COL9A3: variants seen among roughly 807,000 people sequenced by gnomAD.
The protein encoded by COL9A3 is collagen type IX alpha 3 chain.
COL9A3 carries 82 observed loss-of-function variants against 110.2 expected under a neutral mutation model. That is an observed-to-expected ratio of 0.74 (90% CI 0.62 to 0.89). COL9A3 has a LOEUF of 0.89. Ranked by LOEUF, COL9A3 falls within the 40% of genes least tolerant of loss-of-function variation. The pLI is 0.00. For missense variants in COL9A3, 1,066 were observed against 981.3 expected (o/e 1.09, Z -1.15); for synonymous variants, 494 against 403.8 (o/e 1.22, Z -2.68).
At position 62,840,767 on chromosome 20, in the gene COL9A3, C is replaced by T. The variant is rs748965304; in HGVS notation, c.*35C>T. ...TGAGGAAGCAAGTGACAAGGACGCC[C>T]GAAGCACAGTGGACGGTCATGAAGG... On this transcript the variant is annotated 3_prime_UTR_variant, in exon 32 of 32. Coordinates refer to ENST00000649368, the MANE Select transcript of COL9A3 (RefSeq NM_001853.4). 6.4e-5 allele frequency: 99 copies of T among 1,550,530 alleles called. No individual in the cohort carries two copies. Among genetic ancestry groups the T allele is most frequent in the Non-Finnish European group, 6.5e-5 (74 of 1,146,036 alleles).
intron 16 of COL9A3, 24 bp downstream of exon 16, chr20:62,827,318 C>T (rs2063562332): frequency 1.9e-6 from 3 of 1,612,028 alleles, no homozygotes; most frequent in Admixed American, 1.7e-5. Context: ...AAGTTGGTTC[C>T]CTGGGTCCTT....
Position 62,840,983 on chromosome 20 carries a change from TAA to T in COL9A3, c.*254_*255del, listed in dbSNP as rs1302192671. Reference sequence around the variant, plus strand: ...TGAGAGAAGGTAGGGTGTGTATATATAAAAGGTTGTGTACAACTCCACGAGGT... The same window carrying T: ...TGAGAGAAGGTAGGGTGTGTATATATAAGGTTGTGTACAACTCCACGAGGT... On this transcript the variant is annotated 3_prime_UTR_variant, in exon 32 of 32. Transcript: ENST00000649368. The T allele has an allele frequency of 1.9e-6, 1 of 522,528 alleles. No individual in the cohort carries two copies. Among genetic ancestry groups the T allele is most frequent in the Non-Finnish European group, 3.5e-6 (1 of 287,414 alleles). 32.4% of individuals were successfully genotyped at this position (522,528 alleles called of 1,614,324 possible).
Position 62,839,012 on chromosome 20 carries a change from G to A in COL9A3, c.1864+251G>A, listed in dbSNP as rs191486615. Reference sequence around the variant, plus strand: ...GGCTGAGGCAGACGGATAACCTGAGGTCAGCAGTTTGAGACCAGCCTGGCC... The same window carrying A: ...GGCTGAGGCAGACGGATAACCTGAGATCAGCAGTTTGAGACCAGCCTGGCC... On this transcript the variant is annotated intron_variant, in intron 31 of 31. Transcript: ENST00000649368. Among the ~76,000 whole-genome samples, 365 of 152,232 alleles carry A rather than the reference G, an allele frequency of 2.4e-3. 2 individuals carry two copies. Among genetic ancestry groups the A allele is most frequent in the African/African-American group, 8.3e-3 (346 of 41,526 alleles).
chr20:62,821,731 C>G (rs1398428496), intron 7 of COL9A3, 26 bp from the exon 8 acceptor site: 1 of 1,605,600 alleles, frequency 6.2e-7, no homozygotes, highest in Non-Finnish European at 8.5e-7. Flanking sequence ...GTGCAGACCT[C>G]CCCACCTCTC....
At position 62,824,911 on chromosome 20, in the gene COL9A3, C is replaced by G. The variant is rs1206613680; in HGVS notation, c.577-57C>G. On this transcript the variant is annotated intron_variant, in intron 11 of 31. Transcript: ENST00000649368. ...CCCTGCAGGCCTCACTTCAGTGTTG[C>G]CAGGGAGGGGGTGTCGGGGGGTCTG... 3.2e-6 allele frequency: 5 copies of G among 1,541,400 alleles called. No individual in the cohort carries two copies. The African/African-American group carries it at 6.8e-5, about 21-fold the overall frequency.
chr20:62,837,130 G>T lies in COL9A3; in HGVS notation c.1651G>T (p.Gly551Trp). 6.2e-7 allele frequency: 1 copy of T among 1,613,416 alleles called. No homozygotes were observed. ...AAHLRKPLAPGSIGRPGPAGP... is the reference protein window; with the variant it reads ...AAHLRKPLAPWSIGRPGPAGP... ...GCACCTAAGGAAGCCTTTGGCACCC[G>T]GGTCCATTGGTCGGCCCGGTCCAGC... The change falls in exon 30 of 32, where the codon GGG (glycine) becomes TGG (tryptophan). Residue 551 changes from glycine (G) to tryptophan (W), a missense_variant. Transcript: ENST00000649368.
chr20:62,837,388 C>A lies in COL9A3; in HGVS notation c.1786+123C>A, dbSNP rs1372464008. On this transcript the variant is annotated intron_variant, in intron 30 of 31. Coordinates refer to ENST00000649368, the MANE Select transcript of COL9A3 (RefSeq NM_001853.4). ...AGGGGTAACCCCTGGAACGTGGGGG[C>A]CTCTCATGTTTTGGGGCCTAGCGCA... The A allele has an allele frequency of 5.7e-6, 6 of 1,053,146 alleles. No individual in the cohort carries two copies. In the African/African-American group the frequency reaches 9.5e-5, roughly 17 times the overall value. 65.2% of individuals were successfully genotyped at this position (1,053,146 alleles called of 1,614,324 possible).
chr20:62,825,416 A>C (rs2063544670), intron 12 of COL9A3: 2 of 346,240 alleles, frequency 5.8e-6, no homozygotes, highest in Non-Finnish European at 1.1e-5. Flanking sequence ...GCCTCCCCTC[A>C]CCTGTGGTCG....
chr20:62,819,286 G>C lies in COL9A3; in HGVS notation c.248G>C (p.Gly83Ala). 6.2e-7 allele frequency: 1 copy of C among 1,610,454 alleles called. No individual in the cohort carries two copies. The highest frequency in any genetic ancestry group is 8.5e-7 in the Non-Finnish European group (1 of 1,179,402). Residue 83 changes from glycine to alanine, a missense_variant, in exon 4 of 32, where the codon GGT (glycine) becomes GCT (alanine). By Grantham distance (60) the Gly-to-Ala change is moderately conservative. Transcript: ENST00000649368. Reference protein sequence around the residue: ...PGEAGLPGLPGVDGLTGRDGP... With the variant: ...PGEAGLPGLPAVDGLTGRDGP... ...GAGGCTGGGCTGCCGGGACTGCCGG[G>C]TGTGGATGTGAGTGCGCCTGCCCCT... is the stretch of plus-strand genomic sequence containing the variant.
At chr20:62,825,426 G>A (rs945414095) in intron 12 of COL9A3, 4 of 350,598 alleles carry the variant, frequency 1.1e-5, no homozygotes, top group Non-Finnish European at 2.1e-5. Flanking sequence ...ACCTGTGGTC[G>A]CTGTCCGTGG....
chr20:62,828,737 C>A, intron 17 of COL9A3, 27 bp from the exon 18 acceptor site: 1 of 1,612,010 alleles, frequency 6.2e-7, no homozygotes, highest in Non-Finnish European at 8.5e-7. Context: ...CACTGCCCGA[C>A]GGGCCTTACT....
rs147134081 is a variant in COL9A3 at position 62,826,807 on chromosome 20, C to T, written c.779C>T (p.Ala260Val). The change falls in exon 15 of 32, where the codon GCG becomes GTG. Residue 260 changes from alanine to valine, a missense_variant. By Grantham distance (64) the Ala-to-Val change is moderately conservative. Coordinates refer to ENST00000649368, the MANE Select transcript of COL9A3 (RefSeq NM_001853.4). ...GFRGPPGIPG[A>V]PGKAGDRGER... ...CGAGGGCCGCCTGGGATCCCAGGAG[C>T]GCCTGGGAAAGCGGTACGTGTGTCA... The T allele has an allele frequency of 6.3e-5, 101 of 1,612,796 alleles. 1 individual carries two copies. In the African/African-American group the frequency reaches 9.5e-4, roughly 15 times the overall value.
chr20:62,831,209 C>G (rs1228677760), intron 24 of COL9A3: 1 of 152,312 alleles, frequency 6.6e-6, no homozygotes, highest in African/African-American at 2.4e-5. Context: ...AGACTTTTTC[C>G]TGCTGGTCTT....
chr20:62,837,962 C>T (rs185903562), intron 30 of COL9A3, among the ~76,000 whole-genome samples: 19 of 152,286 alleles, frequency 1.2e-4, no homozygotes, highest in Non-Finnish European at 1.3e-4. Context: ...ACTAAAAATA[C>T]AAAATTAGCC....
intron 17 of COL9A3, 105 bp downstream of exon 17, chr20:62,828,081 G>A: frequency 8.3e-7 from 1 of 1,203,178 alleles, no homozygotes; most frequent in Middle Eastern, 1.9e-4. Flanking sequence ...CTCTGCTGTG[G>A]CCATCTTGAA....
chr20:62,840,054 GCACCATGCCCA>G (rs1235630027), intron 31 of COL9A3, among the ~76,000 whole-genome samples: 65 of 151,786 alleles, frequency 4.3e-4, no homozygotes, highest in East Asian at 2.7e-3. Flanking sequence ...CACCATGCCC[GCACCATGCCCA>G]CACCATGCCC....
chr20:62,821,568 G>C lies in COL9A3; in HGVS notation c.369+38G>C, dbSNP rs758597080. 18 of 1,612,536 alleles carry C rather than the reference G, an allele frequency of 1.1e-5. No homozygotes were observed. In the South Asian group the frequency reaches 2.0e-4, roughly 18 times the overall value. On this transcript the variant is annotated intron_variant, in intron 7 of 31. Coordinates refer to ENST00000649368, the MANE Select transcript of COL9A3 (RefSeq NM_001853.4). ...AACCCTTGGGGCCCTGAGCAAGCAC[G>C]CAAGTCCCGAGAGCCTGCCAGGCTG...
At chr20:62,830,655 C>CT in intron 24 of COL9A3, 67 bp downstream of exon 24, 1 of 996,828 alleles carries the variant, frequency 1.0e-6, no homozygotes, top group South Asian at 1.5e-5. Context: ...GTCCCCCACC[C>CT]CCATGACAGT....
chr20:62,821,115 G>C (rs2063508856), intron 5 of COL9A3, 66 bp from the exon 6 acceptor site: 1 of 1,527,606 alleles, frequency 6.5e-7, no homozygotes, highest in Non-Finnish European at 9.0e-7. Flanking sequence ...TCACACTTCA[G>C]AGGGAGGGGA....
Sources: gnomAD v4.1 joint callset for allele counts (sites outside exome capture counted in the v4.1 genomes callset) on GRCh38, gnomAD v4.1.1 for gene constraint, MANE v1.5 for transcripts, NCBI Gene and HGNC (gene_info 2026-07-23, HGNC 2026-07-21) for gene names.